CARTPT: variants seen among roughly 807,000 people sequenced by gnomAD.
CARTPT encodes CART prepropeptide.
In CARTPT, 6 loss-of-function variants were observed where a neutral mutation model predicts 12.2. That is an observed-to-expected ratio of 0.49 (90% CI 0.27 to 0.97). The LOEUF is 0.97. Ranked by LOEUF, CARTPT falls within the 50% of genes least tolerant of loss-of-function variation. The pLI, the probability that CARTPT is intolerant of heterozygous loss-of-function variation, is 0.12. For synonymous variants in CARTPT, 75 were observed against 64.1 expected (o/e 1.17, Z -0.82); for missense variants, 135 against 142.0 (o/e 0.95, Z 0.25).
chr5:71,720,322 T>C (rs1748682901), intron 2 of CARTPT, among the ~76,000 whole-genome samples, 186 bp from the exon 3 acceptor site: 1 of 152,154 alleles, frequency 6.6e-6, no homozygotes, highest in African/African-American at 2.4e-5. Flanking sequence ...CTTTAAAAAA[T>C]GTACTCTCAC....
Position 71,720,817 on chromosome 5 carries a change from T to C in CARTPT, c.*202T>C, listed in dbSNP as rs955961773. The C allele has an allele frequency of 2.9e-5, 17 of 587,862 alleles. No homozygotes were observed. The African/African-American group carries it at 3.0e-4, about 10-fold the overall frequency. 36.4% of individuals were successfully genotyped at this position (587,862 alleles called of 1,614,324 possible). On this transcript the variant is annotated 3_prime_UTR_variant, in exon 3 of 3. Coordinates refer to ENST00000296777, the MANE Select transcript of CARTPT (RefSeq NM_004291.4). ...AGAATAATGCCTTGTATGGTGTTGA[T>C]ACGTGTGTGAAGTATTCTTATTTTA...
At chr5:71,720,092 G>A in intron 2 of CARTPT, 129 bp downstream of exon 2, 1 of 824,856 alleles carries the variant, frequency 1.2e-6, no homozygotes, top group Non-Finnish European at 2.1e-6. Flanking sequence ...GATTCTGTGG[G>A]CTCCTTCTTC....
At chr5:71,720,149 A>G (rs1306333481) in intron 2 of CARTPT, among the ~76,000 whole-genome samples, 186 bp downstream of exon 2, 8 of 152,092 alleles carry the variant, frequency 5.3e-5, no homozygotes, top group Non-Finnish European at 1.2e-4. Context: ...GTTGTAAGAA[A>G]GTGTAAGTCT....
Position 71,719,323 on chromosome 5 carries a change from C to T in CARTPT, c.30C>T (p.Pro10=), listed in dbSNP as rs1748654946. The part of the protein sequence containing the change: MESSRVRLL[P]LLGAALLLML... ...AGAGCTCCCGCGTGAGGCTGCTGCCCCTCCTGGGCGCCGCCCTGCTGCTGA... is the reference window on the plus strand; with the variant it reads ...AGAGCTCCCGCGTGAGGCTGCTGCCTCTCCTGGGCGCCGCCCTGCTGCTGA... The change falls in exon 1 of 3, where the codon CCC becomes CCT. Residue 10 remains proline, a synonymous_variant. Transcript: ENST00000296777. 3 of 1,613,456 alleles carry T rather than the reference C, an allele frequency of 1.9e-6. No homozygotes were observed. Among genetic ancestry groups the T allele is most frequent in the East Asian group, 4.5e-5 (2 of 44,864 alleles).
chr5:71,719,618 C>T (rs1423274058), intron 1 of CARTPT, 166 bp downstream of exon 1: 1 of 870,720 alleles, frequency 1.1e-6, no homozygotes. Context: ...CTCGAGCTCA[C>T]GGGCTCCTGG....
In CARTPT at chr5:71,721,027, T is replaced by C; in HGVS notation, c.*412T>C. On this transcript the variant is annotated 3_prime_UTR_variant, in exon 3 of 3. Coordinates refer to ENST00000296777, the MANE Select transcript of CARTPT (RefSeq NM_004291.4). ...TGAAGCATGTACAAATTATACATAA[T>C]AAAGTGTTTTTAATAATTGCCCATA... 4.7e-6 allele frequency: 1 copy of C among 214,870 alleles called. No individual in the cohort carries two copies. The highest frequency in any genetic ancestry group is 2.3e-5 in the African/African-American group (1 of 43,882). 13.3% of individuals were successfully genotyped at this position (214,870 alleles called of 1,614,324 possible).
In CARTPT at chr5:71,720,670, C is replaced by G; in HGVS notation, c.*55C>G. 3 of 1,357,816 alleles carry G rather than the reference C, an allele frequency of 2.2e-6. No homozygotes were observed. The highest frequency in any genetic ancestry group is 3.1e-6 in the Non-Finnish European group (3 of 965,432). 84.1% of individuals were successfully genotyped at this position (1,357,816 alleles called of 1,614,324 possible). On this transcript the variant is annotated 3_prime_UTR_variant, in exon 3 of 3. Coordinates refer to ENST00000296777, the MANE Select transcript of CARTPT (RefSeq NM_004291.4). ...CATCCCTCTACTTTCCCCAGAGGAC[C>G]ACACCTTCCTCCCTGGAGTTTGGCT...
chr5:71,719,631 G>C (rs1055326923), intron 1 of CARTPT, 179 bp downstream of exon 1: 50 of 817,904 alleles, frequency 6.1e-5, no homozygotes, highest in Admixed American at 3.2e-4. Flanking sequence ...GCTCCTGGCA[G>C]TCTGTTGAGC....
rs1194793209 is a variant in CARTPT, at chr5:71,720,023, T to G, written c.243+60T>G. ...CCAAGAGAAAGTACACCGCCTTGAATCGTACACACAGTCTTCTCCGTAGGA... is the reference window on the plus strand; with the variant it reads ...CCAAGAGAAAGTACACCGCCTTGAAGCGTACACACAGTCTTCTCCGTAGGA... On this transcript the variant is annotated intron_variant, in intron 2 of 2. Coordinates refer to ENST00000296777, the MANE Select transcript of CARTPT (RefSeq NM_004291.4). The G allele has an allele frequency of 3.6e-6, 5 of 1,393,724 alleles. No individual in the cohort carries two copies. The African/African-American group carries it at 7.1e-5, about 20-fold the overall frequency. The allele number at this position is 1,393,724 out of a possible 1,614,324, so 86.3% of individuals were successfully genotyped here. A position where few individuals can be genotyped will look rare whatever the true frequency, so the allele number is the denominator to read the frequency against.
At chr5:71,720,420 A>C in intron 2 of CARTPT, 88 bp from the exon 3 acceptor site, 2 of 1,181,936 alleles carry the variant, frequency 1.7e-6, no homozygotes, top group African/African-American at 1.5e-5. Flanking sequence ...GCCCCTTTCA[A>C]GAGACAGAAA....
chr5:71,719,344 G>A lies in CARTPT; in HGVS notation c.51G>A (p.Leu17=), dbSNP rs1748655604. The change falls in exon 1 of 3, where the codon CTG becomes CTA. Residue 17 remains leucine (L), a synonymous_variant. Coordinates refer to ENST00000296777, the MANE Select transcript of CARTPT (RefSeq NM_004291.4). ...RLLPLLGAAL[L]LMLPLLGTRA... ...TGCCCCTCCTGGGCGCCGCCCTGCT[G>A]CTGATGCTACCTCTGTTGGGTACCC... 1.2e-6 allele frequency: 2 copies of A among 1,613,904 alleles called. No homozygotes were observed. Among genetic ancestry groups the A allele is most frequent in the Non-Finnish European group, 1.7e-6 (2 of 1,180,018 alleles).
Position 71,720,488 on chromosome 5 carries a change from C to T in CARTPT, c.244-20C>T, listed in dbSNP as rs777405505. ...CCTGGGTTTGTTCATACTCGATGAC[C>T]ACACATTTTGTTGTTTCAGTGTGAC... On this transcript the variant is annotated intron_variant, in intron 2 of 2. Transcript: ENST00000296777. 1.3e-5 allele frequency: 21 copies of T among 1,601,424 alleles called. No individual in the cohort carries two copies. The highest frequency in any genetic ancestry group is 8.5e-5 in the Admixed American group (5 of 58,724).
Position 71,720,756 on chromosome 5 carries a change from C to A in CARTPT, c.*141C>A. 1.4e-6 allele frequency: 1 copy of A among 719,702 alleles called. No individual in the cohort carries two copies. The highest frequency in any genetic ancestry group is 2.5e-6 in the Non-Finnish European group (1 of 400,750). The allele number at this position is 719,702 out of a possible 1,614,324, so 44.6% of individuals were successfully genotyped here. On this transcript the variant is annotated 3_prime_UTR_variant, in exon 3 of 3. Transcript: ENST00000296777. ...GGAAAGGGCTCTTTTCCTGCTGTTT[C>A]AAAAATAAAAGAACACATTAGATGT...
intron 1 of CARTPT, 92 bp from the exon 2 acceptor site, chr5:71,719,788 C>G: frequency 8.4e-7 from 1 of 1,195,314 alleles, no homozygotes; most frequent in Non-Finnish European, 1.2e-6. Context: ...CGTGTGGGTC[C>G]GGGGCTCCTT....
At chr5:71,719,539 C>A in intron 1 of CARTPT, 87 bp downstream of exon 1, 4 of 1,513,942 alleles carry the variant, frequency 2.6e-6, no homozygotes, top group Non-Finnish European at 3.6e-6. Context: ...ACCCCCACTC[C>A]TATTCCCAGA....
chr5:71,719,918 T>C lies in CARTPT; in HGVS notation c.198T>C (p.Ser66=). The C allele has an allele frequency of 2.5e-6, 4 of 1,614,006 alleles. No homozygotes were observed. The highest frequency in any genetic ancestry group is 3.4e-6 in the Non-Finnish European group (4 of 1,180,000). Residue 66 remains serine, a synonymous_variant, in exon 2 of 3, where the codon AGT becomes AGC. Coordinates refer to ENST00000296777, the MANE Select transcript of CARTPT (RefSeq NM_004291.4). ...AAGAAGTCTTGAAGAAGCTCAAGAG[T>C]AAACGTGTTCCCATCTATGAGAAGA... The part of the protein sequence containing the change: ...ALQEVLKKLK[S]KRVPIYEKKY...
intron 2 of CARTPT, 97 bp downstream of exon 2, chr5:71,720,060 A>C (rs1009968208): frequency 3.7e-6 from 4 of 1,087,668 alleles, no homozygotes. Context: ...GTGGCTAAAT[A>C]ACTTAGGTAA....
rs1047712046 is a variant in CARTPT, at chr5:71,719,646, C to G, written c.159+194C>G. 13 of 771,594 alleles carry G rather than the reference C, an allele frequency of 1.7e-5. No homozygotes were observed. In the East Asian group the frequency reaches 3.5e-4, roughly 21 times the overall value. The allele number at this position is 771,594 out of a possible 1,614,324, so 47.8% of individuals were successfully genotyped here. ...GCTCCTGGCAGTCTGTTGAGCGAAT[C>G]CCTCATCCCGGCCCCTCTGAGCAAC... On this transcript the variant is annotated intron_variant, in intron 1 of 2. Transcript: ENST00000296777.
intron 2 of CARTPT, 102 bp downstream of exon 2, chr5:71,720,065 A>C: frequency 1.9e-6 from 2 of 1,036,266 alleles, no homozygotes; most frequent in South Asian, 2.5e-5. Flanking sequence ...TAAATAACTT[A>C]GGTAATGGGC....
Sources: gnomAD v4.1 joint callset for allele counts (sites outside exome capture counted in the v4.1 genomes callset) on GRCh38, gnomAD v4.1.1 for gene constraint, MANE v1.5 for transcripts, NCBI Gene and HGNC (gene_info 2026-07-23, HGNC 2026-07-21) for gene names.